The following AOPEP variants were observed in gnomAD, a reference collection of about 807,000 sequenced individuals.
AOPEP encodes aminopeptidase O (putative), also known as aminopeptidase O.
A neutral mutation model predicts 98.1 loss-of-function variants in AOPEP; 77 were observed. The observed-to-expected ratio is 0.78, with a 90% CI of 0.65 to 0.95. The LOEUF is 0.95. AOPEP is among the 40% of genes least tolerant of loss of function. The pLI, the probability that AOPEP is intolerant of heterozygous loss-of-function variation, is 0.00. For synonymous variants in AOPEP, 346 were observed against 365.3 expected (o/e 0.95, Z 0.60); for missense variants, 1,024 against 1,024.7 (o/e 1.00, Z 0.01).
At chr9:95,115,673 AAC>A in the AOPEP span, among the ~76,000 whole-genome samples, 1 of 152,220 alleles carries the variant, frequency 6.6e-6, no homozygotes, top group Non-Finnish European at 1.5e-5. Context: ...GCTATAATCG[AAC>A]ACACAAGGAA....
chr9:95,072,576 T>C (rs1478151486), intron 14 of AOPEP, among the ~76,000 whole-genome samples: 1 of 152,168 alleles, frequency 6.6e-6, no homozygotes, highest in Non-Finnish European at 1.5e-5. Flanking sequence ...GAAGCTGCAG[T>C]GTGCCATGAT....
intron 1 of AOPEP, among the ~76,000 whole-genome samples, chr9:94,727,402 T>C (rs1829450439): frequency 6.6e-6 from 1 of 152,232 alleles, no homozygotes. Context: ...GTTAATAGCA[T>C]TGCATAAAAT....
intron 11 of AOPEP, among the ~76,000 whole-genome samples, chr9:94,994,712 G>A (rs1011509460): frequency 3.3e-5 from 5 of 152,204 alleles, no homozygotes; most frequent in Admixed American, 6.5e-5. Flanking sequence ...AGCACTTTGG[G>A]AGGCCGAGGT....
intron 14 of AOPEP, among the ~76,000 whole-genome samples, chr9:95,072,434 C>A (rs1275937019): frequency 6.6e-6 from 1 of 152,098 alleles, no homozygotes; most frequent in African/African-American, 2.4e-5. Flanking sequence ...GAGGCGGGAT[C>A]ACTTGAGCCC....
chr9:94,835,968 C>G (rs531666087), intron 5 of AOPEP, among the ~76,000 whole-genome samples: 7 of 152,208 alleles, frequency 4.6e-5, no homozygotes, highest in African/African-American at 1.7e-4. Flanking sequence ...CTAGTCAATC[C>G]CTAAGCAAGG....
chr9:95,086,417 C>T (rs1042292841), intron 16 of AOPEP: 1 of 985,364 alleles, frequency 1.0e-6, no homozygotes, highest in South Asian at 4.7e-5. Flanking sequence ...AGAGTGGGTG[C>T]GTGTCTGAAA....
At chr9:94,880,995 ACAGT>A (rs772048545) in intron 5 of AOPEP, among the ~76,000 whole-genome samples, 26 of 152,306 alleles carry the variant, frequency 1.7e-4, no homozygotes, top group Admixed American at 1.4e-3. Flanking sequence ...GATCTTTACC[ACAGT>A]CAGTCAGAGG....
chr9:94,831,758 T>TGAAC (rs767166297), intron 5 of AOPEP, among the ~76,000 whole-genome samples: 27 of 151,996 alleles, frequency 1.8e-4, no homozygotes, highest in Non-Finnish European at 3.7e-4. Context: ...TCTTCTTGAA[T>TGAAC]GAACTCTTAT....
rs201696462 is a variant in AOPEP at position 94,846,872 on chromosome 9, C to G, written c.1364+45870C>G. Among the ~76,000 whole-genome samples, 14 of 152,264 alleles carry G rather than the reference C, an allele frequency of 9.2e-5. 1 individual carries two copies. In the East Asian group the frequency reaches 2.1e-3, roughly 23 times the overall value. On this transcript the variant is annotated intron_variant, in intron 5 of 16. Coordinates refer to ENST00000375315, the MANE Select transcript of AOPEP (RefSeq NM_001193329.3). ...CTGCAGTGAGCCAGGGATGGCGCCA[C>G]TGCTCTCCAGCCTGGGTGACAGAGC...
At chr9:94,754,063 C>T (rs1006104497) in intron 1 of AOPEP, among the ~76,000 whole-genome samples, 1 of 152,172 alleles carries the variant, frequency 6.6e-6, no homozygotes, top group African/African-American at 2.4e-5. Flanking sequence ...GATTTATATA[C>T]ATCAACATGT....
chr9:95,143,722 G>A, the AOPEP span, among the ~76,000 whole-genome samples: 2 of 152,154 alleles, frequency 1.3e-5, no homozygotes, highest in Non-Finnish European at 2.9e-5. Flanking sequence ...GGATTCGGAT[G>A]ACCTCAGAGG....
chr9:95,130,282 C>CTG, the AOPEP span, among the ~76,000 whole-genome samples: 2,782 of 146,852 alleles, frequency 0.019, 43 homozygotes, highest in East Asian at 0.061. Flanking sequence ...TTTGCTGATT[C>CTG]TGTGTGTGTG....
At chr9:94,749,779 T>A in intron 1 of AOPEP, among the ~76,000 whole-genome samples, 1 of 152,246 alleles carries the variant, frequency 6.6e-6, no homozygotes. Context: ...TTACAGCATT[T>A]ATGCCTAATT....
intron 9 of AOPEP, among the ~76,000 whole-genome samples, chr9:94,957,339 C>G (rs927446362): frequency 5.3e-5 from 8 of 152,170 alleles, no homozygotes; most frequent in Non-Finnish European, 1.0e-4. Context: ...TCCCGAGTAG[C>G]TGGGATTACA....
At chr9:94,813,023 A>G (rs1850949872) in intron 5 of AOPEP, among the ~76,000 whole-genome samples, 1 of 152,144 alleles carries the variant, frequency 6.6e-6, no homozygotes, top group South Asian at 2.1e-4. Context: ...AGAGGCAAAA[A>G]AAAAGGGGAC....
chr9:95,086,499 C>G lies in AOPEP; in HGVS notation c.*5-183C>G, dbSNP rs897296538. ...TGCTGGTGTCATGGCCACGTGTGAGCAGGCCAGCGTCACACGGCTCGCTGT... is the reference window on the plus strand; with the variant it reads ...TGCTGGTGTCATGGCCACGTGTGAGGAGGCCAGCGTCACACGGCTCGCTGT... On this transcript the variant is annotated intron_variant, in intron 16 of 16. Coordinates refer to ENST00000375315, the MANE Select transcript of AOPEP (RefSeq NM_001193329.3). 3 of 985,260 alleles carry G rather than the reference C, an allele frequency of 3.0e-6. No individual in the cohort carries two copies. The African/African-American group carries it at 5.2e-5, about 17-fold the overall frequency. 61.0% of individuals were successfully genotyped at this position (985,260 alleles called of 1,614,324 possible). A position where few individuals can be genotyped will look rare whatever the true frequency, so the allele number is the denominator to read the frequency against.
intron 13 of AOPEP, among the ~76,000 whole-genome samples, chr9:95,012,049 C>T (rs533956297): frequency 2.0e-5 from 3 of 152,246 alleles, no homozygotes; most frequent in African/African-American, 7.2e-5. Context: ...TGTATCAGAT[C>T]ATGTAAATGT....
intron 5 of AOPEP, among the ~76,000 whole-genome samples, chr9:94,893,650 A>T (rs745466778): frequency 6.6e-6 from 1 of 152,170 alleles, no homozygotes; most frequent in East Asian, 1.9e-4. Flanking sequence ...CCTCAGAAAC[A>T]TAAACCCATT....
At chr9:95,133,436 A>G in the AOPEP span, among the ~76,000 whole-genome samples, 3 of 152,260 alleles carry the variant, frequency 2.0e-5, no homozygotes, top group Non-Finnish European at 2.9e-5. Context: ...AGCTTTTGTA[A>G]GTCAACTGAC....
Sources: gnomAD v4.1 joint callset for allele counts (sites outside exome capture counted in the v4.1 genomes callset) on GRCh38, gnomAD v4.1.1 for gene constraint, MANE v1.5 for transcripts, NCBI Gene and HGNC (gene_info 2026-07-23, HGNC 2026-07-21) for gene names.